LRP12: variants seen among roughly 807,000 people sequenced by gnomAD.
The protein encoded by LRP12 is LDL receptor related protein 12.
A neutral mutation model predicts 66.0 loss-of-function variants in LRP12; 14 were observed. The observed-to-expected ratio is 0.21, with a 90% CI of 0.14 to 0.33. LRP12 has a LOEUF of 0.33. Ranked by LOEUF, LRP12 falls within the 10% of genes least tolerant of loss-of-function variation. LRP12 has a pLI of 1.00. For synonymous variants in LRP12, 357 were observed against 359.1 expected (o/e 0.99, Z 0.07); for missense variants, 889 against 1,053.4 (o/e 0.84, Z 2.16).
At chr8:104,525,946 C>CCAAAATCT (rs1466301129) in intron 2 of LRP12, among the ~76,000 whole-genome samples, 1 of 152,086 alleles carries the variant, frequency 6.6e-6, no homozygotes, top group East Asian at 1.9e-4. Flanking sequence ...CTGTCTCAGC[C>CCAAAATCT]CAAAATCTCC....
rs550845444 is a variant in LRP12, at chr8:104,563,505, G to A, written c.79+25314C>T. 4.1e-4 allele frequency among the ~76,000 whole-genome samples: 63 copies of A among 152,088 alleles called. 1 individual carries two copies. The highest frequency in any genetic ancestry group is 1.4e-3 in the African/African-American group (59 of 41,486). On this transcript the variant is annotated intron_variant, in intron 1 of 6. Coordinates refer to ENST00000276654, the MANE Select transcript of LRP12 (RefSeq NM_013437.5). ...ACAAATGATAAGCAAATGAATCTGT[G>A]TAAATAAATACATATACATACATAC... is the stretch of plus-strand genomic sequence containing the variant.
In LRP12 at chr8:104,497,788, T is replaced by C. The variant is rs925734831; in HGVS notation, c.764A>G (p.Asp255Gly). Residue 255 changes from aspartate (D) to glycine (G), a missense_variant, in exon 5 of 7, where the codon GAT becomes GGT. Coordinates refer to ENST00000276654, the MANE Select transcript of LRP12 (RefSeq NM_013437.5). The surrounding 1 kb of genome is among the most constrained non-coding windows in gnomAD (Gnocchi z 4.3). The stretch of plus-strand genomic sequence containing the variant: ...TAGCCATTGCCCACATGTTGGCACA[T>C]CACAGTCTATCTCATCTCCTAGGTC... ...CLDLGDEIDC[D>G]VPTCGQWLKY... 10 of 1,614,038 alleles carry C rather than the reference T, an allele frequency of 6.2e-6. No individual in the cohort carries two copies. The African/African-American group carries it at 9.3e-5, about 15-fold the overall frequency.
At chr8:104,542,688 C>G (rs2140871785) in intron 1 of LRP12, among the ~76,000 whole-genome samples, 1 of 152,164 alleles carries the variant, frequency 6.6e-6, no homozygotes, top group Non-Finnish European at 1.5e-5. Flanking sequence ...TGACTGGAGG[C>G]CTTACCAATA....
intron 3 of LRP12, among the ~76,000 whole-genome samples, chr8:104,499,780 T>A (rs574191279): frequency 2.0e-5 from 3 of 152,200 alleles, no homozygotes; most frequent in Admixed American, 6.5e-5. Context: ...CAGGTGACAG[T>A]TGGCACCTTT....
intron 2 of LRP12, among the ~76,000 whole-genome samples, chr8:104,518,940 T>C (rs1811110311): frequency 6.6e-6 from 1 of 152,040 alleles, no homozygotes; most frequent in South Asian, 2.1e-4. Context: ...ATGTTCAGCA[T>C]AGAGTCTATG....
intron 1 of LRP12, among the ~76,000 whole-genome samples, chr8:104,584,323 T>C (rs1017649869): frequency 6.6e-6 from 1 of 151,934 alleles, no homozygotes; most frequent in Non-Finnish European, 1.5e-5. Context: ...TTCTCACTTA[T>C]ATTTCATATA....
intron 1 of LRP12, among the ~76,000 whole-genome samples, chr8:104,550,663 T>C (rs1811711873): frequency 6.6e-6 from 1 of 152,156 alleles, no homozygotes; most frequent in South Asian, 2.1e-4. Flanking sequence ...ATATATTAAG[T>C]TCTCAGTTCT....
intron 2 of LRP12, among the ~76,000 whole-genome samples, chr8:104,525,400 T>C (rs1811218424): frequency 6.6e-6 from 1 of 152,114 alleles, no homozygotes; most frequent in Non-Finnish European, 1.5e-5. Context: ...GATTTATCTT[T>C]CCTGGCAAGG....
chr8:104,506,348 T>C (rs1228453663), intron 3 of LRP12: 1 of 152,210 alleles, frequency 6.6e-6, no homozygotes, highest in Admixed American at 6.5e-5. Context: ...AAATTTGAGT[T>C]CCAACTTAAT....
In LRP12 at chr8:104,568,360, T is replaced by C. The variant is rs563489728; in HGVS notation, c.79+20459A>G. ...ACACCAGAGTAAACCCCTATGACCT[T>C]GGGTTAGCAAATGGATTCTTAGATA... On this transcript the variant is annotated intron_variant, in intron 1 of 6. Coordinates refer to ENST00000276654, the MANE Select transcript of LRP12 (RefSeq NM_013437.5). Among the ~76,000 whole-genome samples, 8 of 152,192 alleles carry C rather than the reference T, an allele frequency of 5.3e-5. No individual in the cohort carries two copies. In the South Asian group the frequency reaches 1.5e-3, roughly 28 times the overall value.
At chr8:104,555,314 C>T (rs1811788447) in intron 1 of LRP12, among the ~76,000 whole-genome samples, 1 of 152,112 alleles carries the variant, frequency 6.6e-6, no homozygotes, top group African/African-American at 2.4e-5. Context: ...TAGTACCTCG[C>T]ATTTCAATAC....
Position 104,499,199 on chromosome 8 carries a change from G to A in LRP12, c.475+118C>T. 6 of 721,208 alleles carry A rather than the reference G, an allele frequency of 8.3e-6. No homozygotes were observed. In the South Asian group the frequency reaches 1.3e-4, roughly 16 times the overall value. The allele number at this position is 721,208 out of a possible 1,614,324, so 44.7% of individuals were successfully genotyped here. ...CTTTAGCTTCTAATCCTCAATCTCA[G>A]CTGCCTCAAGGGCCTACTCCTAATT... On this transcript the variant is annotated intron_variant, in intron 4 of 6. Coordinates refer to ENST00000276654, the MANE Select transcript of LRP12 (RefSeq NM_013437.5).
intron 1 of LRP12, among the ~76,000 whole-genome samples, chr8:104,584,925 T>C (rs1456280429): frequency 6.6e-6 from 1 of 152,244 alleles, no homozygotes. Flanking sequence ...TATTAAGTGC[T>C]ACTGAACATT....
chr8:104,492,804 A>G (rs1278629801), intron 6 of LRP12, among the ~76,000 whole-genome samples: 3 of 152,080 alleles, frequency 2.0e-5, no homozygotes, highest in Non-Finnish European at 2.9e-5. Context: ...TGCTATACAG[A>G]TGAGTAAGAG....
intron 2 of LRP12, among the ~76,000 whole-genome samples, chr8:104,527,405 C>A (rs2140858942): frequency 6.6e-6 from 1 of 151,300 alleles, no homozygotes; most frequent in African/African-American, 2.4e-5. Flanking sequence ...CGGCACTATT[C>A]ACAATAGCAA....
At chr8:104,541,954 T>C (rs1811483736) in intron 1 of LRP12, among the ~76,000 whole-genome samples, 1 of 152,244 alleles carries the variant, frequency 6.6e-6, no homozygotes, top group African/African-American at 2.4e-5. Flanking sequence ...AGCATTGCTA[T>C]GAATATTGGT....
intron 4 of LRP12, 113 bp downstream of exon 4, chr8:104,499,204 C>CT: frequency 1.3e-6 from 1 of 780,184 alleles, no homozygotes; most frequent in Admixed American, 3.1e-5. Flanking sequence ...TCTCAGCTGC[C>CT]TCAAGGGCCT....
chr8:104,490,878 G>C lies in LRP12; in HGVS notation c.2375C>G (p.Ser792Cys), dbSNP rs763444322. Residue 792 changes from serine (S) to cysteine (C), a missense_variant, in exon 7 of 7, where the codon TCC becomes TGC. By Grantham distance (112) the Ser-to-Cys change is moderately radical. Around this residue, in one of 3 missense-constraint regions of LRP12, gnomAD observed 800 missense variants for 964.5 expected, o/e 0.83. Transcript: ENST00000276654. ...TGAGGCAAGATCAAGAAGAGGTCTG[G>C]AGCAGTCATTCACATCAAAGTCTGA... ...GSSDFDVNDC[S>C]RPLLDLASDQ... 1 of 1,613,974 alleles carries C rather than the reference G, an allele frequency of 6.2e-7. No individual in the cohort carries two copies. The highest frequency in any genetic ancestry group is 8.5e-7 in the Non-Finnish European group (1 of 1,180,024).
At chr8:104,538,895 C>T (rs1282324594) in intron 1 of LRP12, among the ~76,000 whole-genome samples, 1 of 152,084 alleles carries the variant, frequency 6.6e-6, no homozygotes, top group Non-Finnish European at 1.5e-5. Flanking sequence ...GCTCATGTGG[C>T]TGACGGCTAC....
Sources: allele counts gnomAD v4.1 joint callset (sites outside exome capture counted in the v4.1 genomes callset), GRCh38; gene constraint gnomAD v4.1.1; regional missense constraint gnomAD v4.1.1; non-coding constraint Gnocchi (gnomAD v3.1); transcripts MANE v1.5; gene names NCBI Gene and HGNC (gene_info 2026-07-23, HGNC 2026-07-21).